NR3C2: variants seen among roughly 807,000 people sequenced by gnomAD.
NR3C2 encodes the protein mineralocorticoid receptor.
In NR3C2, 15 loss-of-function variants were observed where a neutral mutation model predicts 86.4. That is an observed-to-expected ratio of 0.17 (90% CI 0.12 to 0.27). The LOEUF (loss-of-function observed/expected upper bound fraction) is 0.27, where lower values mean the gene tolerates loss of function less well. Among genes scored for constraint, NR3C2 ranks in the 10% least tolerant of loss-of-function variants. NR3C2 has a pLI of 1.00. For missense variants in NR3C2, 960 were observed against 1,195.6 expected, an observed-to-expected ratio of 0.80 and a Z score of 2.91; for synonymous variants, 458 against 450.5, an observed-to-expected ratio of 1.02 and a Z score of -0.21.
intron 5 of NR3C2, among the ~76,000 whole-genome samples, chr4:148,154,093 C>G (rs1292399414): frequency 2.0e-5 from 3 of 151,606 alleles, no homozygotes; most frequent in Non-Finnish European, 4.4e-5. Context: ...ACTGCAGCCT[C>G]TGCCGCCCAG....
chr4:148,245,247 A>G (rs1350136521), intron 3 of NR3C2, among the ~76,000 whole-genome samples: 2 of 152,202 alleles, frequency 1.3e-5, no homozygotes, highest in African/African-American at 4.8e-5. Flanking sequence ...GGCACACATC[A>G]TCTCCAATCA....
chr4:148,304,128 T>A (rs1043468685), intron 2 of NR3C2, among the ~76,000 whole-genome samples: 21 of 139,968 alleles, frequency 1.5e-4, no homozygotes, highest in African/African-American at 5.0e-4. Flanking sequence ...CATCCTGAAC[T>A]CCTGAGTTTC....
At chr4:148,356,890 T>C (rs1265086831) in intron 2 of NR3C2, among the ~76,000 whole-genome samples, 1 of 149,686 alleles carries the variant, frequency 6.7e-6, no homozygotes, top group Non-Finnish European at 1.5e-5. Context: ...AAGCACACAC[T>C]AAGCACGACT....
intron 4 of NR3C2, among the ~76,000 whole-genome samples, chr4:148,192,397 T>G (rs1004881818): frequency 2.6e-5 from 4 of 152,080 alleles, no homozygotes; most frequent in African/African-American, 9.7e-5. Flanking sequence ...AAGGGTGCAA[T>G]GGACTCTGTG....
At chr4:148,249,085 ATTATACACCAGTGAT>A (rs1739450844) in intron 3 of NR3C2, among the ~76,000 whole-genome samples, 1 of 152,150 alleles carries the variant, frequency 6.6e-6, no homozygotes, top group Admixed American at 6.6e-5. Context: ...TGCCGCCTTT[ATTATACACCAGTGAT>A]AACACTTACT....
intron 2 of NR3C2, among the ~76,000 whole-genome samples, chr4:148,280,887 T>A (rs1297340946): frequency 6.6e-6 from 1 of 152,224 alleles, no homozygotes; most frequent in Non-Finnish European, 1.5e-5. Flanking sequence ...CAGTCACAGA[T>A]TAATGTGTGT....
At chr4:148,391,772 C>A (rs1451663312) in intron 2 of NR3C2, among the ~76,000 whole-genome samples, 1 of 150,004 alleles carries the variant, frequency 6.7e-6, no homozygotes, top group Admixed American at 6.8e-5. Flanking sequence ...GAGGCTGAGG[C>A]AGGAGAATCA....
chr4:148,328,634 C>G (rs1192791097), intron 2 of NR3C2, among the ~76,000 whole-genome samples: 1 of 152,156 alleles, frequency 6.6e-6, no homozygotes, highest in African/African-American at 2.4e-5. Flanking sequence ...AGTTATCTAC[C>G]CAGCCAATCT....
chr4:148,334,568 T>C (rs1433283529), intron 2 of NR3C2, among the ~76,000 whole-genome samples: 1 of 151,826 alleles, frequency 6.6e-6, no homozygotes, highest in African/African-American at 2.4e-5. Flanking sequence ...ACAAAAAAAC[T>C]TACACAAATG....
intron 6 of NR3C2, among the ~76,000 whole-genome samples, chr4:148,137,100 CT>C (rs1733382628): frequency 6.6e-6 from 1 of 152,074 alleles, no homozygotes; most frequent in Non-Finnish European, 1.5e-5. Flanking sequence ...CTGTACTACT[CT>C]TTTTTGAACA....
chr4:148,160,196 C>T (rs1412720626), intron 4 of NR3C2, among the ~76,000 whole-genome samples: 1 of 152,146 alleles, frequency 6.6e-6, no homozygotes, highest in African/African-American at 2.4e-5. Context: ...TGGGAGACAA[C>T]TCCTTAGATT....
chr4:148,221,034 T>TG (rs1470408313), intron 3 of NR3C2, among the ~76,000 whole-genome samples: 2 of 151,718 alleles, frequency 1.3e-5, no homozygotes, highest in African/African-American at 4.9e-5. Context: ...CAAGAATATC[T>TG]GGGGGTGAGA....
Position 148,337,723 on chromosome 4 carries a change from G to T in NR3C2, c.1758-77606C>A, listed in dbSNP as rs187598123. On this transcript the variant is annotated intron_variant, in intron 2 of 8. Coordinates refer to ENST00000358102, the MANE Select transcript of NR3C2 (RefSeq NM_000901.5). ...TTAAAAATGTTTCTATGGATGAGTA[G>T]AAATATATGGTACATTTCTAAAATA... is the stretch of plus-strand genomic sequence containing the variant. 9.8e-4 allele frequency among the ~76,000 whole-genome samples: 149 copies of T among 152,218 alleles called. 1 individual carries two copies. The highest frequency in any genetic ancestry group is 3.3e-3 in the African/African-American group (137 of 41,520).
intron 3 of NR3C2, among the ~76,000 whole-genome samples, chr4:148,256,063 G>A (rs1224267753): frequency 6.6e-6 from 1 of 152,220 alleles, no homozygotes; most frequent in Non-Finnish European, 1.5e-5. Flanking sequence ...GGCAAAGCCT[G>A]GTTGAGGGCT....
intron 8 of NR3C2, among the ~76,000 whole-genome samples, chr4:148,103,841 T>C (rs1238252983): frequency 1.3e-5 from 2 of 152,150 alleles, no homozygotes; most frequent in African/African-American, 4.8e-5. Context: ...GCTGCAGGCA[T>C]GTAACAGACA....
chr4:148,356,005 A>G (rs368064769), intron 2 of NR3C2, among the ~76,000 whole-genome samples: 1 of 152,198 alleles, frequency 6.6e-6, no homozygotes, highest in Non-Finnish European at 1.5e-5. Flanking sequence ...AAGTTCTCAG[A>G]CTAGTATCTA....
intron 2 of NR3C2, among the ~76,000 whole-genome samples, chr4:148,357,477 CT>C (rs1745606337): frequency 6.6e-6 from 1 of 152,134 alleles, no homozygotes; most frequent in African/African-American, 2.4e-5. Context: ...CTATACATCT[CT>C]TTTAATATGG....
At chr4:148,135,182 T>A (rs749853897) in intron 6 of NR3C2, among the ~76,000 whole-genome samples, 3 of 152,094 alleles carry the variant, frequency 2.0e-5, no homozygotes, top group Non-Finnish European at 4.4e-5. Context: ...CCCTCAAAAT[T>A]CATATATTGT....
intron 3 of NR3C2, among the ~76,000 whole-genome samples, chr4:148,256,038 A>T (rs536681550): frequency 1.3e-5 from 2 of 152,324 alleles, no homozygotes; most frequent in African/African-American, 4.8e-5. Context: ...TTCTCTAAAA[A>T]CTTCTAACAG....
Sources: gnomAD v4.1 joint callset for allele counts (sites outside exome capture counted in the v4.1 genomes callset) on GRCh38, gnomAD v4.1.1 for gene constraint, MANE v1.5 for transcripts, NCBI Gene and HGNC (gene_info 2026-07-23, HGNC 2026-07-21) for gene names.